PVT1: variants seen among roughly 807,000 people sequenced by gnomAD.
PVT1 encodes the protein Pvt1 oncogene, also known as CXCR4/PVT1 fusion.
At chr8:128,047,087 C>T (rs765478636) in intron 4 of PVT1, among the ~76,000 whole-genome samples, 13 of 152,340 alleles carry the variant, frequency 8.5e-5, no homozygotes, top group South Asian at 2.1e-4. Flanking sequence ...TTCTGTTGGA[C>T]GACTGATGCC....
chr8:128,061,359 A>T (rs1477889236), intron 4 of PVT1, among the ~76,000 whole-genome samples: 2 of 152,144 alleles, frequency 1.3e-5, no homozygotes, highest in African/African-American at 2.4e-5. Context: ...AGTATATTCC[A>T]TTGTGTGAAT....
At chr8:127,830,761 C>A (rs1364217804) in intron 2 of PVT1, among the ~76,000 whole-genome samples, 4 of 151,974 alleles carry the variant, frequency 2.6e-5, no homozygotes, top group Admixed American at 6.6e-5. Context: ...AGTCAGTGGG[C>A]TGGGGAAGGC....
At chr8:128,024,337 A>T (rs1817469962) in intron 4 of PVT1, among the ~76,000 whole-genome samples, 1 of 152,188 alleles carries the variant, frequency 6.6e-6, no homozygotes, top group Non-Finnish European at 1.5e-5. Context: ...GAGGGCTGTC[A>T]TAGTGGCTCA....
Position 127,831,102 on chromosome 8 carries a change from C to T in PVT1, n.372+35031C>T, listed in dbSNP as rs142422043. Among the ~76,000 whole-genome samples the T allele has an allele frequency of 2.7e-3, 397 of 147,792 alleles. 2 individuals are homozygous for T. The highest frequency in any genetic ancestry group is 9.3e-3 in the African/African-American group (370 of 39,820). On this transcript the variant is annotated intron_variant and non_coding_transcript_variant, in intron 2 of 10. Coordinates refer to ENST00000651587, the Ensembl canonical transcript of PVT1. ...GATAAAACTCCTCTTTATATACATA[C>T]GTGTGTGTGTGTATGTATATATCTA...
intron 3 of PVT1, among the ~76,000 whole-genome samples, chr8:127,950,891 C>CCA (rs1433834258): frequency 6.6e-6 from 1 of 152,160 alleles, no homozygotes; most frequent in South Asian, 2.1e-4. Context: ...GGAATGCAAG[C>CCA]CACTGTCTTT....
At chr8:128,032,669 T>G (rs917580737) in intron 4 of PVT1, among the ~76,000 whole-genome samples, 16 of 152,240 alleles carry the variant, frequency 1.1e-4, no homozygotes, top group African/African-American at 3.9e-4. Context: ...CAAGCAGCCC[T>G]GCTGATCTTG....
intron 3 of PVT1, among the ~76,000 whole-genome samples, chr8:127,949,597 G>A (rs958038234): frequency 2.6e-5 from 4 of 151,756 alleles, no homozygotes; most frequent in African/African-American, 7.3e-5. Flanking sequence ...CTGTCCTGGA[G>A]CTCAGCCTGG....
chr8:127,956,578 G>T (rs889557739), intron 3 of PVT1, among the ~76,000 whole-genome samples: 1 of 152,224 alleles, frequency 6.6e-6, no homozygotes. Flanking sequence ...TCTGCCTCCT[G>T]AGTTCAAGCG....
At chr8:127,928,882 A>G (rs1816165226) in intron 3 of PVT1, among the ~76,000 whole-genome samples, 1 of 152,228 alleles carries the variant, frequency 6.6e-6, no homozygotes, top group Non-Finnish European at 1.5e-5. Context: ...TGGAAGTTTG[A>G]AGAAAGTCAG....
intron 2 of PVT1, among the ~76,000 whole-genome samples, chr8:127,824,667 A>T (rs1814767619): frequency 6.6e-6 from 1 of 152,112 alleles, no homozygotes; most frequent in Non-Finnish European, 1.5e-5. Flanking sequence ...AATGTCAACA[A>T]GTTTATTGGA....
chr8:127,857,311 A>G (rs1815172967), intron 2 of PVT1, among the ~76,000 whole-genome samples: 1 of 149,184 alleles, frequency 6.7e-6, no homozygotes, highest in Non-Finnish European at 1.5e-5. Context: ...GATGAATAAG[A>G]CCTCTTTTGG....
At chr8:128,092,856 C>T (rs945135201) in intron 5 of PVT1, among the ~76,000 whole-genome samples, 10 of 152,190 alleles carry the variant, frequency 6.6e-5, no homozygotes, top group South Asian at 4.2e-4. Context: ...ACTTTTGCAC[C>T]GCCAGGAGAT....
At chr8:127,887,314 G>A (rs549442882) in intron 2 of PVT1, among the ~76,000 whole-genome samples, 1 of 152,294 alleles carries the variant, frequency 6.6e-6, no homozygotes, top group South Asian at 2.1e-4. Context: ...GAACTCACTG[G>A]CTTGCTGAAT....
chr8:127,889,035 TCTTTCTTCCTTCCTTCCTTCCTTC>T (rs1424057670), intron 2 of PVT1, among the ~76,000 whole-genome samples: 1,671 of 100,508 alleles, frequency 0.017, 34 homozygotes, highest in East Asian at 0.023. Context: ...TTTCTCTCTT[TCTTTCTTCCTTCCTTCCTTCCTTC>T]CTTCCTTCCT....
intron 2 of PVT1, among the ~76,000 whole-genome samples, chr8:127,869,804 T>A (rs923315248): frequency 2.6e-5 from 4 of 152,170 alleles, no homozygotes; most frequent in Non-Finnish European, 5.9e-5. Flanking sequence ...ATAGGGTTTT[T>A]GTTTTTGTTT....
At chr8:128,053,902 G>A (rs947746727) in intron 4 of PVT1, among the ~76,000 whole-genome samples, 1 of 152,220 alleles carries the variant, frequency 6.6e-6, no homozygotes, top group Non-Finnish European at 1.5e-5. Context: ...GTATCTGACA[G>A]GGCCCTCTGA....
chr8:128,049,801 G>A (rs1813667088), intron 4 of PVT1, among the ~76,000 whole-genome samples: 1 of 152,198 alleles, frequency 6.6e-6, no homozygotes, highest in South Asian at 2.1e-4. Context: ...GCATGTACTT[G>A]CTGTGTGATA....
chr8:127,797,240 C>T (rs1285122731), intron 2 of PVT1, among the ~76,000 whole-genome samples: 1 of 152,184 alleles, frequency 6.6e-6, no homozygotes, highest in Non-Finnish European at 1.5e-5. Context: ...CCAGATTGGT[C>T]AAGCTGGTCT....
At chr8:128,019,456 G>A (rs1261226523) in intron 4 of PVT1, among the ~76,000 whole-genome samples, 1 of 152,174 alleles carries the variant, frequency 6.6e-6, no homozygotes, top group African/African-American at 2.4e-5. Flanking sequence ...TTGTAGGTTT[G>A]TCAATTTCAA....
Sources: gnomAD v4.1 joint callset for allele counts (sites outside exome capture counted in the v4.1 genomes callset) on GRCh38, gnomAD v4.1.1 for gene constraint, MANE v1.5 for transcripts, NCBI Gene and HGNC (gene_info 2026-07-23, HGNC 2026-07-21) for gene names.